Variants in PNPLA6 observed in about 807,000 individuals in gnomAD.
The protein encoded by PNPLA6 is patatin like domain 6, lysophospholipase.
Under a neutral mutation model 153.7 loss-of-function variants are expected in PNPLA6, and 105 were observed. The observed-to-expected ratio is 0.68, with a 90% CI of 0.58 to 0.80. The LOEUF is 0.80. PNPLA6 is among the 30% of genes least tolerant of loss of function. The probability of loss-of-function intolerance (pLI) is 0.00; values close to 1 mark genes in which losing one functional copy is unlikely to be tolerated. For synonymous variants in PNPLA6, 825 were observed against 822.2 expected, an observed-to-expected ratio of 1.00 and a Z score of -0.06; for missense variants, 1,423 against 1,919.3, an observed-to-expected ratio of 0.74 and a Z score of 4.83.
chr19:7,549,262 T>C (rs1411980479), intron 13 of PNPLA6, among the ~76,000 whole-genome samples: 2 of 137,692 alleles, frequency 1.5e-5, no homozygotes, highest in East Asian at 2.4e-4. Context: ...TCTTGGCTCA[T>C]TGCAAGCTCC....
chr19:7,542,846 C>T lies in PNPLA6; in HGVS notation c.1448C>T (p.Pro483Leu), dbSNP rs937353646. The T allele has an allele frequency of 1.9e-6, 3 of 1,612,998 alleles. No individual in the cohort carries two copies. The highest frequency in any genetic ancestry group is 2.5e-6 in the Non-Finnish European group (3 of 1,179,866). Residue 483 changes from proline to leucine, a missense_variant, in exon 12 of 32, where the codon CCT (proline) becomes CTT (leucine). By Grantham distance (98) the Pro-to-Leu change is moderately conservative. Around this residue, in one of 10 missense-constraint regions of PNPLA6, gnomAD observed 267 missense variants for 255.1 expected, o/e 1.05. Coordinates refer to ENST00000600737, the MANE Select transcript of PNPLA6 (RefSeq NM_001166114.2). ...CEDESATGGC[P>L]FGPYQGRQTS... is the part of the protein sequence containing the mutation. ...GATGAGTCGGCCACTGGTGGCTGCC[C>T]TTTCGGGCCCTACCAGGGCCGCCAG... is the stretch of plus-strand genomic sequence containing the variant.
rs776289656 is a variant in PNPLA6 at position 7,555,702 on chromosome 19, C to T, written c.3032C>T (p.Ala1011Val). ...GGTSIGSFIG[A>V]LYAEERSASR... Reference sequence around the variant, plus strand: ...ACGTCCATTGGCTCTTTCATCGGAGCGTTGTACGCGGAGGAGCGCAGCGCC... The same window carrying T: ...ACGTCCATTGGCTCTTTCATCGGAGTGTTGTACGCGGAGGAGCGCAGCGCC... The change falls in exon 24 of 32, where the codon GCG becomes GTG. Residue 1011 changes from alanine to valine, a missense_variant. Coordinates refer to ENST00000600737, the MANE Select transcript of PNPLA6 (RefSeq NM_001166114.2). The surrounding 1 kb of genome is among the most constrained non-coding windows in gnomAD (Gnocchi z 6.3). The T allele has an allele frequency of 2.5e-6, 4 of 1,613,780 alleles. No homozygotes were observed. The highest frequency in any genetic ancestry group is 1.7e-5 in the Admixed American group (1 of 60,000).
Position 7,535,902 on chromosome 19 carries a change from C to A in PNPLA6, c.114C>A (p.Cys38Ter). The change falls in exon 1 of 32, where the codon TGC becomes TGA. Residue 38 changes from cysteine to a stop codon, truncating the protein, a stop_gained. Coordinates refer to ENST00000600737, the MANE Select transcript of PNPLA6 (RefSeq NM_001166114.2). LOFTEE classifies it high-confidence loss of function. This position sits in a 1 kb window ranked among gnomAD's most constrained non-coding sequence, Gnocchi z 5.0. ...GGGAAGGCTCGGCGGGACGGATTTG[C>A]GGTGCGCAGCCAGTGCCGTTCGTCC... is the stretch of plus-strand genomic sequence containing the variant. ...APGEGSAGRI[C>*]GAQPVPFVPQ... 6.4e-7 allele frequency: 1 copy of A among 1,553,976 alleles called. No individual in the cohort carries two copies. Among genetic ancestry groups the A allele is most frequent in the Non-Finnish European group, 8.7e-7 (1 of 1,155,264 alleles).
At chr19:7,553,724 G>C (rs1315206609) in intron 18 of PNPLA6, 151 bp from the exon 19 acceptor site, 1 of 891,346 alleles carries the variant, frequency 1.1e-6, no homozygotes, top group African/African-American at 1.6e-5. Flanking sequence ...CTGTATGGTA[G>C]AGTCAAGACT....
chr19:7,542,429 T>A (rs566404435), intron 10 of PNPLA6, 132 bp from the exon 11 acceptor site: 4 of 741,384 alleles, frequency 5.4e-6, no homozygotes, highest in Non-Finnish European at 2.4e-6. Context: ...CGAACTCCTA[T>A]GCTCAAGTGA....
At chr19:7,557,981 A>C (rs141822179) in intron 27 of PNPLA6, among the ~76,000 whole-genome samples, 351 of 152,280 alleles carry the variant, frequency 2.3e-3, no homozygotes, top group African/African-American at 8.1e-3. Context: ...TAGGGCTTAC[A>C]CACACGTGTA....
rs1196128123 is a variant in PNPLA6, at chr19:7,555,304, C to T, written c.2873C>T (p.Ser958Phe). 6.3e-7 allele frequency: 1 copy of T among 1,587,108 alleles called. No homozygotes were observed. Among genetic ancestry groups the T allele is most frequent in the Non-Finnish European group, 8.6e-7 (1 of 1,166,520 alleles). ...CGCGCGGACCGGCACAGCGACTTCT[C>T]CCGCTTGGCGAGGGTGCTCACGGGG... Reference protein sequence around the residue: ...SRRADRHSDFSRLARVLTGNT... With the variant: ...SRRADRHSDFFRLARVLTGNT... The change falls in exon 23 of 32, where the codon TCC becomes TTC. Residue 958 changes from serine (S) to phenylalanine (F), a missense_variant. Transcript: ENST00000600737. The surrounding 1 kb of genome is among the most constrained non-coding windows in gnomAD (Gnocchi z 6.3).
chr19:7,550,237 C>T (rs1403924410), intron 14 of PNPLA6, 61 bp from the exon 15 acceptor site: 9 of 1,612,414 alleles, frequency 5.6e-6, no homozygotes, highest in Non-Finnish European at 7.6e-6. Context: ...ATCTGGCCTC[C>T]CAGCGCCGGT....
In PNPLA6 at chr19:7,555,378, G is replaced by C; in HGVS notation, c.2936+11G>C. ...CGGGGGCGGGGCCAGGTGAGGGCGG[G>C]GCTTGCTCTCTGGGGGCGGGGCCTG... On this transcript the variant is annotated intron_variant, in intron 23 of 31. Coordinates refer to ENST00000600737, the MANE Select transcript of PNPLA6 (RefSeq NM_001166114.2). This position sits in a 1 kb window ranked among gnomAD's most constrained non-coding sequence, Gnocchi z 6.3. 1 of 1,518,328 alleles carries C rather than the reference G, an allele frequency of 6.6e-7. No individual in the cohort carries two copies. Among genetic ancestry groups the C allele is most frequent in the Non-Finnish European group, 8.9e-7 (1 of 1,121,100 alleles). 94.1% of individuals were successfully genotyped at this position (1,518,328 alleles called of 1,614,324 possible).
upstream of PNPLA6, chr19:7,534,315 C>T: frequency 4.2e-6 from 1 of 240,280 alleles, no homozygotes; most frequent in Non-Finnish European, 8.3e-6. Flanking sequence ...TTCCCACGAT[C>T]TGTCCTCCGA....
At chr19:7,546,102 G>T (rs2023376081) in intron 13 of PNPLA6, among the ~76,000 whole-genome samples, 1 of 152,082 alleles carries the variant, frequency 6.6e-6, no homozygotes, top group Non-Finnish European at 1.5e-5. Flanking sequence ...ACCTCTAAGG[G>T]CATGACCTAA....
intron 3 of PNPLA6, among the ~76,000 whole-genome samples, chr19:7,537,418 G>T (rs1158483423): frequency 6.6e-6 from 1 of 152,102 alleles, no homozygotes; most frequent in African/African-American, 2.4e-5. Context: ...GCTATCTTAT[G>T]AATTTTCTTG....
At chr19:7,544,067 C>A (rs1182834757) in intron 13 of PNPLA6, among the ~76,000 whole-genome samples, 1 of 151,858 alleles carries the variant, frequency 6.6e-6, no homozygotes, top group African/African-American at 2.4e-5. Context: ...CCCGCCTAGG[C>A]CTTCCAAAGT....
chr19:7,541,360 A>C lies in PNPLA6; in HGVS notation c.931A>C (p.Met311Leu). The C allele has an allele frequency of 6.2e-7, 1 of 1,613,442 alleles. No homozygotes were observed. The highest frequency in any genetic ancestry group is 8.5e-7 in the Non-Finnish European group (1 of 1,179,714). ...CGCCCCTCGAGCCCTGCAGATCATC[A>C]TGGTGCGGCTGCAGCGAGTCACCTT... is the stretch of plus-strand genomic sequence containing the variant. ...ESLVRVVQII[M>L]VRLQRVTFLA... The change falls in exon 8 of 32, where the codon ATG becomes CTG. Residue 311 changes from methionine (M) to leucine (L), a missense_variant. By Grantham distance (15) the Met-to-Leu change is conservative (BLOSUM62 2). This residue lies in a region of PNPLA6 where 118 missense variants were observed against 158.8 expected (regional missense o/e 0.74). Coordinates refer to ENST00000600737, the MANE Select transcript of PNPLA6 (RefSeq NM_001166114.2). This position sits in a 1 kb window ranked among gnomAD's most constrained non-coding sequence, Gnocchi z 5.2.
chr19:7,561,628 G>C lies in PNPLA6; in HGVS notation c.*66G>C. The C allele has an allele frequency of 8.9e-7, 1 of 1,121,520 alleles. No homozygotes were observed. The highest frequency in any genetic ancestry group is 1.3e-5 in the South Asian group (1 of 75,808). 69.5% of individuals were successfully genotyped at this position (1,121,520 alleles called of 1,614,324 possible). ...CTGGGCTGGGGGTGGCCCCGTGGGG[G>C]TAGCTCACTCCCCCTCCTGCTGCTA... On this transcript the variant is annotated 3_prime_UTR_variant, in exon 32 of 32. Transcript: ENST00000600737.
Position 7,561,628 on chromosome 19 carries a change from G to A in PNPLA6, c.*66G>A. 1 of 1,121,516 alleles carries A rather than the reference G, an allele frequency of 8.9e-7. No homozygotes were observed. The highest frequency in any genetic ancestry group is 1.3e-6 in the Non-Finnish European group (1 of 766,786). 69.5% of individuals were successfully genotyped at this position (1,121,516 alleles called of 1,614,324 possible). On this transcript the variant is annotated 3_prime_UTR_variant, in exon 32 of 32. Transcript: ENST00000600737. ...CTGGGCTGGGGGTGGCCCCGTGGGGGTAGCTCACTCCCCCTCCTGCTGCTA... is the reference window on the plus strand; with the variant it reads ...CTGGGCTGGGGGTGGCCCCGTGGGGATAGCTCACTCCCCCTCCTGCTGCTA...
At chr19:7,547,823 T>TAA (rs1227244426) in intron 13 of PNPLA6, among the ~76,000 whole-genome samples, 3 of 99,512 alleles carry the variant, frequency 3.0e-5, no homozygotes, top group African/African-American at 5.7e-5. Context: ...TTTTTTTTTT[T>TAA]TTTTTTTTTT....
rs1599294237 is a variant in PNPLA6, at chr19:7,550,386, G to C, written c.1903G>C (p.Ala635Pro). 1 of 1,611,866 alleles carries C rather than the reference G, an allele frequency of 6.2e-7. No homozygotes were observed. Among genetic ancestry groups the C allele is most frequent in the Non-Finnish European group, 8.5e-7 (1 of 1,180,014 alleles). ...MSPFVRQMDF[A>P]IDWTAVEAGR... is the part of the protein sequence containing the mutation. ...GCCCTTCGTGCGCCAGATGGACTTC[G>C]CCATCGACTGGACTGCAGTGGAGGC... The change falls in exon 15 of 32, where the codon GCC (alanine) becomes CCC (proline). Residue 635 changes from alanine to proline, a missense_variant. Around this residue, in one of 10 missense-constraint regions of PNPLA6, gnomAD observed 63 missense variants for 166.2 expected, o/e 0.38. Transcript: ENST00000600737.
At chr19:7,558,618 T>G (rs2023983450) in intron 27 of PNPLA6, among the ~76,000 whole-genome samples, 3 of 152,022 alleles carry the variant, frequency 2.0e-5, no homozygotes, top group African/African-American at 2.4e-5. Context: ...GGCGACAGAG[T>G]GAGACTCTGT....
Sources: allele counts gnomAD v4.1 joint callset (sites outside exome capture counted in the v4.1 genomes callset), GRCh38; gene constraint gnomAD v4.1.1; regional missense constraint gnomAD v4.1.1; non-coding constraint Gnocchi (gnomAD v3.1); transcripts MANE v1.5; gene names NCBI Gene and HGNC (gene_info 2026-07-23, HGNC 2026-07-21).